GSG1L: variants seen among roughly 807,000 people sequenced by gnomAD.
GSG1L encodes the protein GSG1 like, also known as germ cell-specific gene 1-like protein.
A neutral mutation model predicts 42.1 loss-of-function variants in GSG1L; 24 were observed. The observed-to-expected ratio is 0.57, with a 90% CI of 0.41 to 0.80. The LOEUF (loss-of-function observed/expected upper bound fraction) is 0.80. Among genes scored for constraint, GSG1L ranks in the 30% least tolerant of loss-of-function variants. The pLI is 0.00. For synonymous variants in GSG1L, 215 were observed against 203.5 expected, an observed-to-expected ratio of 1.06 and a Z score of -0.48; for missense variants, 445 against 472.2, an observed-to-expected ratio of 0.94 and a Z score of 0.53.
intron 3 of GSG1L, among the ~76,000 whole-genome samples, chr16:27,867,115 G>A (rs1470943346): frequency 4.6e-5 from 7 of 152,104 alleles, no homozygotes; most frequent in African/African-American, 1.7e-4. Context: ...TGATGTCTGT[G>A]GTACTAGGGA....
At chr16:27,831,719 C>G (rs2083276503) in intron 4 of GSG1L, among the ~76,000 whole-genome samples, 1 of 152,178 alleles carries the variant, frequency 6.6e-6, no homozygotes, top group South Asian at 2.1e-4. Flanking sequence ...TGGACAGGCA[C>G]AAAGTCAGAC....
chr16:28,015,885 G>A (rs1467690962), intron 1 of GSG1L, among the ~76,000 whole-genome samples: 7 of 152,224 alleles, frequency 4.6e-5, no homozygotes. Flanking sequence ...CCACTGGGCT[G>A]TATAATCTGG....
At chr16:27,980,839 G>A (rs539204148) in intron 1 of GSG1L, among the ~76,000 whole-genome samples, 17 of 147,826 alleles carry the variant, frequency 1.2e-4, no homozygotes, top group African/African-American at 3.3e-4. Flanking sequence ...CTGAGATCAC[G>A]CACTGCACTC....
chr16:27,840,854 C>T (rs1244287738), intron 4 of GSG1L, among the ~76,000 whole-genome samples: 4 of 152,110 alleles, frequency 2.6e-5, no homozygotes, highest in African/African-American at 9.7e-5. Flanking sequence ...CCACCGCCAG[C>T]CGGCACCAGC....
At chr16:27,938,039 AAG>A (rs1003525336) in intron 2 of GSG1L, among the ~76,000 whole-genome samples, 4 of 152,096 alleles carry the variant, frequency 2.6e-5, no homozygotes, top group African/African-American at 9.7e-5. Flanking sequence ...AAAAAATCCA[AAG>A]AGAGAGATTC....
chr16:27,865,558 TATATATATATATATACACACAC>T (rs2083708467), intron 3 of GSG1L, among the ~76,000 whole-genome samples: 1 of 22,702 alleles, frequency 4.4e-5, no homozygotes, highest in African/African-American at 3.3e-4. Context: ...TATATATATA[TATATATATATATATACACACAC>T]ACATACATAC....
chr16:27,841,953 T>C (rs1044594921), intron 4 of GSG1L, among the ~76,000 whole-genome samples: 1 of 152,202 alleles, frequency 6.6e-6, no homozygotes, highest in Non-Finnish European at 1.5e-5. Context: ...GGGCAAGTGA[T>C]TCAAACTTTC....
rs903470066 is a variant in GSG1L, at chr16:28,029,978, A to G, written c.349+33098T>C. ...ATGCCAGCTCGTGGGATGAAACATC[A>G]CAGATGGAGGGAGCTCCAACAACCC... is the stretch of plus-strand genomic sequence containing the variant. On this transcript the variant is annotated intron_variant, in intron 1 of 6. Transcript: ENST00000447459. Among the ~76,000 whole-genome samples, 8 of 152,234 alleles carry G rather than the reference A, an allele frequency of 5.3e-5. No homozygotes were observed. In the South Asian group the frequency reaches 1.7e-3, roughly 31 times the overall value.
rs1019937233 is a variant in GSG1L at position 27,917,940 on chromosome 16, C to CA, written c.398-33303dup. On this transcript the variant is annotated intron_variant, in intron 2 of 6. Coordinates refer to ENST00000447459, the MANE Select transcript of GSG1L (RefSeq NM_001109763.2). ...CGGAAGCCAAGCCAGCTCTTGGGAC[C>CA]AAAAAAAAAATCCCTGATTTTTAGC... 6.1e-4 allele frequency among the ~76,000 whole-genome samples: 90 copies of CA among 148,666 alleles called. 1 individual carries two copies. The highest frequency in any genetic ancestry group is 1.6e-3 in the African/African-American group (66 of 40,580).
intron 3 of GSG1L, among the ~76,000 whole-genome samples, chr16:27,847,932 C>T (rs1019267884): frequency 4.6e-5 from 7 of 152,154 alleles, no homozygotes; most frequent in African/African-American, 1.7e-4. Context: ...TACAAGTTAC[C>T]CAGTCTCAGG....
rs1426404500 is a variant in GSG1L, at chr16:27,901,980, C to T, written c.398-17342G>A. Among the ~76,000 whole-genome samples, 5 of 152,210 alleles carry T rather than the reference C, an allele frequency of 3.3e-5. No individual in the cohort carries two copies. The East Asian group carries it at 5.8e-4, about 18-fold the overall frequency. On this transcript the variant is annotated intron_variant, in intron 2 of 6. Coordinates refer to ENST00000447459, the MANE Select transcript of GSG1L (RefSeq NM_001109763.2). Reference sequence around the variant, plus strand: ...CCGGCTGCTTCCCAGCTCAGATGACCCCAACCCCTCCATTTAAAGCAGCCA... The same window carrying T: ...CCGGCTGCTTCCCAGCTCAGATGACTCCAACCCCTCCATTTAAAGCAGCCA...
intron 2 of GSG1L, among the ~76,000 whole-genome samples, chr16:27,935,327 T>TGG (rs60441182): frequency 9.2e-5 from 14 of 151,880 alleles, no homozygotes; most frequent in South Asian, 8.3e-4. Context: ...GATGGGGGAA[T>TGG]GGGGGGCTTC....
At chr16:27,865,623 A>G (rs2083715088) in intron 3 of GSG1L, among the ~76,000 whole-genome samples, 1 of 144,068 alleles carries the variant, frequency 6.9e-6, no homozygotes, top group Non-Finnish European at 1.5e-5. Flanking sequence ...ACACACACAT[A>G]TATATGTGTG....
chr16:27,906,604 A>G (rs147304598), intron 2 of GSG1L, among the ~76,000 whole-genome samples: 1 of 152,072 alleles, frequency 6.6e-6, no homozygotes, highest in Non-Finnish European at 1.5e-5. Context: ...CTTTCCTCTT[A>G]TTCTCACAGG....
intron 1 of GSG1L, among the ~76,000 whole-genome samples, chr16:28,011,396 A>G (rs1294665655): frequency 6.6e-6 from 1 of 152,202 alleles, no homozygotes; most frequent in Non-Finnish European, 1.5e-5. Context: ...GGGCTGGTGT[A>G]AGAGGATTGA....
chr16:27,938,398 A>G (rs1278820577), intron 2 of GSG1L, among the ~76,000 whole-genome samples: 2 of 151,266 alleles, frequency 1.3e-5, no homozygotes, highest in African/African-American at 2.4e-5. Context: ...AAAAAAAAAA[A>G]AGGCAGAGGA....
At chr16:28,045,533 G>A (rs2086150808) in intron 1 of GSG1L, among the ~76,000 whole-genome samples, 1 of 151,898 alleles carries the variant, frequency 6.6e-6, no homozygotes, top group Non-Finnish European at 1.5e-5. Context: ...AAATTAGCTG[G>A]GCATGGTGGT....
At chr16:27,968,673 C>T (rs934948198) in intron 1 of GSG1L, among the ~76,000 whole-genome samples, 4 of 152,146 alleles carry the variant, frequency 2.6e-5, no homozygotes, top group East Asian at 1.9e-4. Context: ...GAAAGATGCC[C>T]GCCCTCCTGC....
chr16:27,914,935 A>G (rs11859836), intron 2 of GSG1L, among the ~76,000 whole-genome samples: 2,466 of 152,158 alleles, frequency 0.016, 64 homozygotes, highest in African/African-American at 0.056. Context: ...GTGGCAGGTG[A>G]CATTCTTCTG....
Sources: gnomAD v4.1 joint callset for allele counts (sites outside exome capture counted in the v4.1 genomes callset) on GRCh38, gnomAD v4.1.1 for gene constraint, MANE v1.5 for transcripts, NCBI Gene and HGNC (gene_info 2026-07-23, HGNC 2026-07-21) for gene names.